The following UNC13A variants were observed in gnomAD, a reference collection of about 807,000 sequenced individuals.
The protein encoded by UNC13A is unc-13 homolog A, also known as protein unc-13 homolog A.
A neutral mutation model predicts 219.7 loss-of-function variants in UNC13A; 61 were observed. That is an observed-to-expected ratio of 0.28 (90% CI 0.23 to 0.34). The LOEUF is 0.34. UNC13A is among the 10% of genes least tolerant of loss of function. The probability of loss-of-function intolerance (pLI) is 1.00; values close to 1 mark genes in which losing one functional copy is unlikely to be tolerated. For missense variants in UNC13A, 1,476 were observed against 2,270.3 expected (o/e 0.65, Z 7.11); for synonymous variants, 920 against 884.6 (o/e 1.04, Z -0.71).
chr19:17,685,712 C>G (rs535015492), intron 1 of UNC13A, among the ~76,000 whole-genome samples: 9 of 152,292 alleles, frequency 5.9e-5, no homozygotes, highest in Non-Finnish European at 8.8e-5. Context: ...CCTTCCCAGG[C>G]ACATGGTCTG....
intron 41 of UNC13A, among the ~76,000 whole-genome samples, chr19:17,612,795 A>G (rs188864760): frequency 6.6e-6 from 1 of 152,290 alleles, no homozygotes; most frequent in East Asian, 1.9e-4. Context: ...CAGTGAGACG[A>G]GATCGCACCA....
chr19:17,645,347 T>C (rs937740942), intron 19 of UNC13A, among the ~76,000 whole-genome samples: 1 of 152,238 alleles, frequency 6.6e-6, no homozygotes, highest in Middle Eastern at 3.4e-3. Flanking sequence ...CTTTCTTAGA[T>C]TTAGTTCCTA....
intron 6 of UNC13A, among the ~76,000 whole-genome samples, chr19:17,667,206 G>A (rs1028146097): frequency 4.6e-5 from 7 of 151,230 alleles, no homozygotes; most frequent in Non-Finnish European, 8.8e-5. Flanking sequence ...AGCCAAGATC[G>A]TGCCACTGCA....
In UNC13A at chr19:17,656,210, T is replaced by C; in HGVS notation, c.956A>G (p.Gln319Arg). Residue 319 changes from glutamine (Q) to arginine (R), a missense_variant, in exon 10 of 44, where the codon CAG becomes CGG. Physicochemically the swap from Gln to Arg is conservative, Grantham distance 43. Coordinates refer to ENST00000519716, the MANE Select transcript of UNC13A (RefSeq NM_001080421.3). ...GTCCTCCTCCAGCTCTTCCTCATCC[T>C]GGTCCCAGCGAGGCGAGTCTTTGTG... ...SYHKDSPRWD[Q>R]DEEELEEDLE... 1.3e-6 allele frequency: 2 copies of C among 1,552,278 alleles called. No individual in the cohort carries two copies. Among genetic ancestry groups the C allele is most frequent in the Non-Finnish European group, 1.7e-6 (2 of 1,147,142 alleles).
At chr19:17,630,620 G>A (rs1487126611) in intron 29 of UNC13A, 34 bp downstream of exon 29, 4 of 1,609,206 alleles carry the variant, frequency 2.5e-6, no homozygotes, top group Non-Finnish European at 3.4e-6. Flanking sequence ...CCAGTGGGAA[G>A]ATTAGGAACT....
chr19:17,678,399 A>T (rs1402925166), intron 1 of UNC13A, among the ~76,000 whole-genome samples: 1 of 152,064 alleles, frequency 6.6e-6, no homozygotes, highest in Non-Finnish European at 1.5e-5. Context: ...GAATCCCTTT[A>T]ACCTGGAAGG....
At chr19:17,675,095 AG>A in intron 2 of UNC13A, among the ~76,000 whole-genome samples, 1 of 152,248 alleles carries the variant, frequency 6.6e-6, no homozygotes, top group East Asian at 1.9e-4. Context: ...TGGGAGGTCA[AG>A]GGGGGAGGAT....
At chr19:17,675,691 C>T (rs1270659711) in intron 2 of UNC13A, among the ~76,000 whole-genome samples, 1 of 151,906 alleles carries the variant, frequency 6.6e-6, no homozygotes, top group Admixed American at 6.6e-5. Flanking sequence ...CTCTGAGCCT[C>T]ATTTTTCCCA....
At chr19:17,611,924 C>T (rs567855114) in intron 41 of UNC13A, 69 bp from the exon 42 acceptor site, 22 of 1,377,300 alleles carry the variant, frequency 1.6e-5, no homozygotes, top group South Asian at 1.1e-4. Context: ...GGGACCTTGA[C>T]GGCCTCCCAC....
chr19:17,617,568 G>T, intron 41 of UNC13A, 134 bp downstream of exon 41: 1 of 1,332,770 alleles, frequency 7.5e-7, no homozygotes, highest in Non-Finnish European at 1.0e-6. Context: ...ATTGGTCCCT[G>T]GACTTGGTGC....
At chr19:17,643,214 G>T (rs1158211894) in intron 19 of UNC13A, among the ~76,000 whole-genome samples, 1 of 152,116 alleles carries the variant, frequency 6.6e-6, no homozygotes, top group Non-Finnish European at 1.5e-5. Context: ...GTTTCACCAT[G>T]TTGGCCAGGC....
At chr19:17,686,462 G>C (rs879829456) in intron 1 of UNC13A, among the ~76,000 whole-genome samples, 5 of 151,888 alleles carry the variant, frequency 3.3e-5, no homozygotes, top group African/African-American at 4.8e-5. Flanking sequence ...ACCTTTAAGA[G>C]CCCGGCTACT....
intron 35 of UNC13A, 61 bp from the exon 36 acceptor site, chr19:17,623,608 C>T: frequency 5.3e-6 from 5 of 942,310 alleles, no homozygotes; most frequent in Non-Finnish European, 7.5e-6. Flanking sequence ...CATGAGTCTC[C>T]CGGGAAGGCC....
At position 17,602,708 on chromosome 19, in the gene UNC13A, C is replaced by CT. The variant is rs1488076601; in HGVS notation, c.*3345dup. ...TGTCCGTGTCTCAGCCATGTCCACT[C>CT]TCTGTCCCATGTGTCAGGCTCAGAC... On this transcript the variant is annotated 3_prime_UTR_variant, in exon 44 of 44. Coordinates refer to ENST00000519716, the MANE Select transcript of UNC13A (RefSeq NM_001080421.3). 6.6e-6 allele frequency: 1 copy of CT among 152,372 alleles called. No homozygotes were observed. Among genetic ancestry groups the CT allele is most frequent in the African/African-American group, 2.4e-5 (1 of 41,462 alleles). 9.4% of individuals were successfully genotyped at this position (152,372 alleles called of 1,614,324 possible).
rs1405203208 is a variant in UNC13A at position 17,631,163 on chromosome 19, CTCCCTCCCTCCCTCCTTTCCT to C, written c.3429-434_3429-414del. Among the ~76,000 whole-genome samples the C allele has an allele frequency of 1.1e-3, 27 of 24,430 alleles. 3 individuals carry two copies. The highest frequency in any genetic ancestry group is 3.2e-3 in the African/African-American group (19 of 5,938). The allele number at this position is 24,430 out of a possible 152,430, so 16.0% of individuals were successfully genotyped here. A position where few individuals can be genotyped will look rare whatever the true frequency, so the allele number is the denominator to read the frequency against. ...CTCTGAGCTCTTGTTTTCTCCCTCCCTCCCTCCCTCCCTCCTTTCCTTCCTTCCCTCCCTCCCTCCCTTCCT... is the reference window on the plus strand; with the variant it reads ...CTCTGAGCTCTTGTTTTCTCCCTCCCTCCTTCCCTCCCTCCCTCCCTTCCT... On this transcript the variant is annotated intron_variant, in intron 28 of 43. Transcript: ENST00000519716.
Position 17,674,475 on chromosome 19 carries a change from A to G in UNC13A, c.152+182T>C, listed in dbSNP as rs1444544421. Among the ~76,000 whole-genome samples the G allele has an allele frequency of 6.6e-6, 1 of 152,020 alleles. No homozygotes were observed. The highest frequency in any genetic ancestry group is 2.4e-5 in the African/African-American group (1 of 41,376). ...AGGGACTTGGCTGGTGGCTGCGGAG[A>G]CCAAGGGAAGTGATTGGATTGGGGA... On this transcript the variant is annotated intron_variant, in intron 3 of 43. Transcript: ENST00000519716. The surrounding 1 kb of genome is among the most constrained non-coding windows in gnomAD (Gnocchi z 5.0).
intron 43 of UNC13A, among the ~76,000 whole-genome samples, chr19:17,608,174 G>A (rs566879508): frequency 2.9e-4 from 42 of 147,352 alleles, no homozygotes; most frequent in African/African-American, 9.7e-4. Flanking sequence ...AGCCTCCCGC[G>A]TAGCTGGGAT....
At chr19:17,687,263 G>A (rs2145944477) in intron 1 of UNC13A, among the ~76,000 whole-genome samples, 1 of 152,162 alleles carries the variant, frequency 6.6e-6, no homozygotes, top group Non-Finnish European at 1.5e-5. Context: ...GCCTGGGCGT[G>A]GGCCTCTGTG....
intron 28 of UNC13A, among the ~76,000 whole-genome samples, chr19:17,631,199 CCTCCCTTCCTTCCTTCCTTCCTT>C (rs1262363992): frequency 8.1e-5 from 4 of 49,152 alleles, no homozygotes; most frequent in African/African-American, 2.0e-4. Context: ...TCCCTCCCTC[CCTCCCTTCCTTCCTTCCTTCCTT>C]CTTCCTTCCT....
Sources: allele counts gnomAD v4.1 joint callset (sites outside exome capture counted in the v4.1 genomes callset), GRCh38; gene constraint gnomAD v4.1.1; non-coding constraint Gnocchi (gnomAD v3.1); transcripts MANE v1.5; gene names NCBI Gene and HGNC (gene_info 2026-07-23, HGNC 2026-07-21).